The following SGCZ variants were observed in gnomAD, a reference collection of about 807,000 sequenced individuals.
The protein encoded by SGCZ is zeta-sarcoglycan.
A neutral mutation model predicts 41.3 loss-of-function variants in SGCZ; 40 were observed. That is an observed-to-expected ratio of 0.97 (90% CI 0.75 to 1.26). The LOEUF (loss-of-function observed/expected upper bound fraction) is 1.26, where lower values mean the gene tolerates loss of function less well. SGCZ is among the 50% of genes most tolerant of loss of function. The probability of loss-of-function intolerance (pLI) is 0.00; values close to 1 mark genes in which losing one functional copy is unlikely to be tolerated. For missense variants in SGCZ, 552 were observed against 369.8 expected (o/e 1.49, Z -4.04); for synonymous variants, 206 against 137.5 (o/e 1.50, Z -3.49).
chr8:14,197,745 C>G (rs1466391251), intron 4 of SGCZ, among the ~76,000 whole-genome samples: 1 of 151,962 alleles, frequency 6.6e-6, no homozygotes, highest in Non-Finnish European at 1.5e-5. Flanking sequence ...CCCTAAGTTT[C>G]AGTTTAAAAA....
chr8:15,108,257 T>C (rs140763684), intron 1 of SGCZ, among the ~76,000 whole-genome samples: 22 of 152,350 alleles, frequency 1.4e-4, no homozygotes, highest in Admixed American at 2.6e-4. Context: ...GTTTTAAACA[T>C]ATGGTTCTCA....
chr8:14,320,823 T>C (rs1354713936), intron 3 of SGCZ, among the ~76,000 whole-genome samples: 1 of 152,024 alleles, frequency 6.6e-6, no homozygotes. Context: ...TAAGAGTCCT[T>C]GAACAGGAAA....
chr8:15,081,070 C>T (rs1805730117), intron 1 of SGCZ, among the ~76,000 whole-genome samples: 1 of 152,150 alleles, frequency 6.6e-6, no homozygotes, highest in Non-Finnish European at 1.5e-5. Context: ...ATCACAAGAA[C>T]ATAAACTCTG....
At chr8:14,147,143 C>G (rs528096651) in intron 5 of SGCZ, among the ~76,000 whole-genome samples, 2 of 151,662 alleles carry the variant, frequency 1.3e-5, no homozygotes, top group African/African-American at 2.4e-5. Flanking sequence ...AAACAAGAAA[C>G]GAAGTCATAT....
Position 14,779,184 on chromosome 8 carries a change from A to G in SGCZ, c.40-224258T>C, listed in dbSNP as rs1035297770. On this transcript the variant is annotated intron_variant, in intron 1 of 7. Transcript: ENST00000382080. ...CTCACATATTAAATCATGGTCACCTATATAACCAATAGATTATGGCTGAAG... is the reference window on the plus strand; with the variant it reads ...CTCACATATTAAATCATGGTCACCTGTATAACCAATAGATTATGGCTGAAG... Among the ~76,000 whole-genome samples the G allele has an allele frequency of 2.0e-5, 3 of 152,316 alleles. No individual in the cohort carries two copies. In the South Asian group the frequency reaches 6.2e-4, roughly 32 times the overall value.
At chr8:14,296,763 T>C (rs1801026039) in intron 3 of SGCZ, among the ~76,000 whole-genome samples, 1 of 151,866 alleles carries the variant, frequency 6.6e-6, no homozygotes, top group Non-Finnish European at 1.5e-5. Context: ...TTACTTAATC[T>C]AAAGTAATAA....
chr8:14,214,786 T>A (rs557254249), intron 4 of SGCZ, among the ~76,000 whole-genome samples: 2 of 152,204 alleles, frequency 1.3e-5, no homozygotes, highest in East Asian at 3.9e-4. Context: ...GGACATTATA[T>A]AATTATTTTA....
At chr8:14,137,494 T>C (rs924579338) in intron 5 of SGCZ, among the ~76,000 whole-genome samples, 6 of 152,154 alleles carry the variant, frequency 3.9e-5, no homozygotes, top group African/African-American at 9.7e-5. Flanking sequence ...AATGACCTGA[T>C]GGAGCTGAAA....
intron 3 of SGCZ, among the ~76,000 whole-genome samples, chr8:14,307,206 A>G (rs1378708288): frequency 2.0e-5 from 3 of 152,132 alleles, no homozygotes; most frequent in African/African-American, 7.2e-5. Flanking sequence ...TTTTCCTCTT[A>G]TTGTTACCTT....
rs1054269505 is a variant in SGCZ, at chr8:14,188,680, A to T, written c.425-23978T>A. Reference sequence around the variant, plus strand: ...CTGCATTGTACATTTAAATGGATGAATTGTATGATATGTGAATTATATTCC... The same window carrying T: ...CTGCATTGTACATTTAAATGGATGATTTGTATGATATGTGAATTATATTCC... On this transcript the variant is annotated intron_variant, in intron 4 of 7. Coordinates refer to ENST00000382080, the MANE Select transcript of SGCZ (RefSeq NM_139167.4). Among the ~76,000 whole-genome samples the T allele has an allele frequency of 5.3e-5, 8 of 152,260 alleles. No homozygotes were observed. In the East Asian group the frequency reaches 1.5e-3, roughly 29 times the overall value.
At chr8:14,188,851 G>A (rs1585214225) in intron 4 of SGCZ, among the ~76,000 whole-genome samples, 1 of 125,482 alleles carries the variant, frequency 8.0e-6, no homozygotes, top group African/African-American at 3.1e-5. Flanking sequence ...TGTTTTTTGA[G>A]ATGGAGTTTC....
chr8:14,498,678 G>GT (rs1304094625), intron 2 of SGCZ, among the ~76,000 whole-genome samples: 1 of 151,652 alleles, frequency 6.6e-6, no homozygotes, highest in Non-Finnish European at 1.5e-5. Context: ...TCATTATACT[G>GT]TTTAACACTT....
chr8:14,216,002 C>G (rs967839358), intron 4 of SGCZ, among the ~76,000 whole-genome samples: 1 of 152,234 alleles, frequency 6.6e-6, no homozygotes, highest in Non-Finnish European at 1.5e-5. Context: ...AAAAAGGCAG[C>G]AGCTGCAGCC....
chr8:15,056,054 C>G (rs1804690204), intron 1 of SGCZ, among the ~76,000 whole-genome samples: 1 of 152,180 alleles, frequency 6.6e-6, no homozygotes, highest in Non-Finnish European at 1.5e-5. Flanking sequence ...TTAGAAAATG[C>G]ATTTAAGCAG....
intron 1 of SGCZ, among the ~76,000 whole-genome samples, chr8:14,863,478 C>G (rs1017230999): frequency 1.3e-5 from 2 of 152,028 alleles, no homozygotes; most frequent in Admixed American, 1.3e-4. Context: ...GTACTCACCA[C>G]TATGATCAGC....
intron 1 of SGCZ, among the ~76,000 whole-genome samples, chr8:15,034,087 C>T (rs546563208): frequency 1.3e-4 from 20 of 152,162 alleles, no homozygotes; most frequent in Admixed American, 1.2e-3. Flanking sequence ...CAAAAGAAAA[C>T]CCACAATAAT....
Position 14,236,202 on chromosome 8 carries a change from C to A in SGCZ, c.424+1390G>T, listed in dbSNP as rs915185049. Among the ~76,000 whole-genome samples, 2 of 152,148 alleles carry A rather than the reference C, an allele frequency of 1.3e-5. 1 individual carries two copies. Among genetic ancestry groups the A allele is most frequent in the South Asian group, 4.1e-4 (2 of 4,828 alleles). ...ATATTTAAGTGGATGGTTCTTGCTT[C>A]TGAATCAGTTCTATATCCATACACA... is the stretch of plus-strand genomic sequence containing the variant. On this transcript the variant is annotated intron_variant, in intron 4 of 7. Coordinates refer to ENST00000382080, the MANE Select transcript of SGCZ (RefSeq NM_139167.4).
At chr8:14,823,055 T>TAAAAAAAA (rs34307530) in intron 1 of SGCZ, among the ~76,000 whole-genome samples, 20 of 75,478 alleles carry the variant, frequency 2.6e-4, no homozygotes, top group African/African-American at 8.7e-4. Flanking sequence ...CCAATCCTCA[T>TAAAAAAAA]AAAAAAAAAA....
At chr8:15,163,090 G>A (rs906754642) in intron 1 of SGCZ, among the ~76,000 whole-genome samples, 2 of 152,138 alleles carry the variant, frequency 1.3e-5, no homozygotes, top group South Asian at 4.1e-4. Flanking sequence ...AGAACTGGAC[G>A]CCTTTGTTAT....
Sources: allele counts gnomAD v4.1 joint callset (sites outside exome capture counted in the v4.1 genomes callset), GRCh38; gene constraint gnomAD v4.1.1; transcripts MANE v1.5; gene names NCBI Gene and HGNC (gene_info 2026-07-23, HGNC 2026-07-21).